Variants in RORB observed in about 807,000 individuals in gnomAD.
The protein encoded by RORB is RAR related orphan receptor B.
Under a neutral mutation model 59.1 loss-of-function variants are expected in RORB, and 6 were observed. The ratio of observed to expected loss-of-function variants is 0.10; its 90% CI spans 0.06 to 0.20. RORB has a LOEUF of 0.20. Ranked by LOEUF, RORB falls within the 10% of genes least tolerant of loss-of-function variation. RORB has a pLI of 1.00. For synonymous variants in RORB, 215 were observed against 204.5 expected (o/e 1.05, Z -0.44); for missense variants, 320 against 560.5 (o/e 0.57, Z 4.33).
intron 1 of RORB, among the ~76,000 whole-genome samples, chr9:74,550,326 CTTT>C (rs1368684375): frequency 1.3e-5 from 2 of 152,144 alleles, no homozygotes; most frequent in Non-Finnish European, 2.9e-5. Context: ...GAAAGACACA[CTTT>C]TTCAGCCCTA....
intron 1 of RORB, among the ~76,000 whole-genome samples, chr9:74,515,739 A>G (rs772744959): frequency 3.9e-4 from 60 of 152,098 alleles, no homozygotes; most frequent in Non-Finnish European, 6.9e-4. Context: ...AAGTAAGAGT[A>G]CAACACACTA....
chr9:74,615,786 TA>T (rs753520648), intron 1 of RORB: 1 of 289,560 alleles, frequency 3.5e-6, no homozygotes, highest in Non-Finnish European at 7.0e-6. Context: ...CAGGAATGTA[TA>T]TAATAAAACA....
At chr9:74,609,609 C>T (rs993955420) in intron 1 of RORB, among the ~76,000 whole-genome samples, 3 of 152,142 alleles carry the variant, frequency 2.0e-5, no homozygotes, top group Non-Finnish European at 2.9e-5. Flanking sequence ...TTTCAGACAC[C>T]GTCACCTGTG....
rs199713370 is a variant in RORB at position 74,642,584 on chromosome 9, G to A, written c.406G>A (p.Glu136Lys). ...CAACGGCCTGAGCAACCTGAACAAC[G>A]AGACCAGCGGCACTTATGCCAACGG... ...ISNGLSNLNN[E>K]TSGTYANGHV... Residue 136 changes from glutamate to lysine, a missense_variant, in exon 4 of 10, where the codon GAG (glutamate) becomes AAG (lysine). Physicochemically the swap from Glu to Lys is moderately conservative, Grantham distance 56. Coordinates refer to ENST00000376896, the MANE Select transcript of RORB (RefSeq NM_006914.4). 3.9e-5 allele frequency: 63 copies of A among 1,614,190 alleles called. No individual in the cohort carries two copies. Among genetic ancestry groups the A allele is most frequent in the Non-Finnish European group, 5.2e-5 (61 of 1,180,032 alleles).
At chr9:74,673,263 T>C (rs1286470529) in intron 9 of RORB, among the ~76,000 whole-genome samples, 1 of 152,174 alleles carries the variant, frequency 6.6e-6, no homozygotes, top group Non-Finnish European at 1.5e-5. Context: ...TATGCATAAA[T>C]ACATCTTGTT....
chr9:74,601,974 T>C (rs1280257723), intron 1 of RORB, among the ~76,000 whole-genome samples: 1 of 152,172 alleles, frequency 6.6e-6, no homozygotes, highest in African/African-American at 2.4e-5. Context: ...GAACTTAGCT[T>C]CTCACACGGT....
intron 5 of RORB, among the ~76,000 whole-genome samples, chr9:74,661,737 CAG>C (rs897746021): frequency 4.0e-5 from 6 of 150,076 alleles, no homozygotes; most frequent in African/African-American, 1.5e-4. Context: ...CTCCACCTCC[CAG>C]GTTCACGCCA....
rs552492663 is a variant in RORB at position 74,618,827 on chromosome 9, C to T, written c.8-11455C>T. Among the ~76,000 whole-genome samples the T allele has an allele frequency of 4.6e-5, 7 of 152,052 alleles. No homozygotes were observed. The South Asian group carries it at 1.5e-3, about 32-fold the overall frequency. On this transcript the variant is annotated intron_variant, in intron 1 of 9. Coordinates refer to ENST00000376896, the MANE Select transcript of RORB (RefSeq NM_006914.4). ...TCCCAACCTTTGATTTGTCTGACTCCAAGTAGATAATTTAATGGCTTTATA... is the reference window on the plus strand; with the variant it reads ...TCCCAACCTTTGATTTGTCTGACTCTAAGTAGATAATTTAATGGCTTTATA...
intron 9 of RORB, among the ~76,000 whole-genome samples, chr9:74,677,999 A>G (rs559756485): frequency 3.9e-5 from 6 of 152,336 alleles, no homozygotes; most frequent in South Asian, 4.1e-4. Context: ...ACTGACTACA[A>G]TGAAAAGAAA....
chr9:74,685,376 T>C, intron 9 of RORB, 87 bp from the exon 10 acceptor site: 1 of 1,103,822 alleles, frequency 9.1e-7, no homozygotes, highest in Non-Finnish European at 1.2e-6. Context: ...TTTACCTTCA[T>C]CTGGGGCCAG....
intron 1 of RORB, among the ~76,000 whole-genome samples, chr9:74,540,767 T>C (rs561582304): frequency 3.4e-4 from 51 of 152,160 alleles, no homozygotes; most frequent in Non-Finnish European, 6.2e-4. Flanking sequence ...CAATGCTTCA[T>C]TGGAAAACCA....
intron 1 of RORB, among the ~76,000 whole-genome samples, chr9:74,592,585 C>T (rs145812285): frequency 9.4e-4 from 143 of 152,200 alleles, no homozygotes; most frequent in African/African-American, 3.1e-3. Context: ...GAGCCAGACC[C>T]AAATGGCTAG....
chr9:74,663,780 C>CCT, intron 6 of RORB, among the ~76,000 whole-genome samples: 1 of 152,180 alleles, frequency 6.6e-6, no homozygotes, highest in South Asian at 2.1e-4. Flanking sequence ...GGCCTCAGTT[C>CCT]CTCTCCATGT....
intron 1 of RORB, among the ~76,000 whole-genome samples, chr9:74,594,109 G>A (rs1822939197): frequency 6.6e-6 from 1 of 152,174 alleles, no homozygotes. Flanking sequence ...ATAAAATTCT[G>A]GATGGCTGAG....
At chr9:74,633,418 C>A (rs1823651603) in intron 2 of RORB, among the ~76,000 whole-genome samples, 1 of 152,174 alleles carries the variant, frequency 6.6e-6, no homozygotes, top group South Asian at 2.1e-4. Flanking sequence ...CATTCCTGAA[C>A]TTTTCTAGAC....
At chr9:74,598,668 G>A (rs976625732) in intron 1 of RORB, among the ~76,000 whole-genome samples, 6 of 152,098 alleles carry the variant, frequency 3.9e-5, no homozygotes, top group Non-Finnish European at 5.9e-5. Flanking sequence ...TTTATTAACC[G>A]TATTCAGCAT....
intron 1 of RORB, among the ~76,000 whole-genome samples, chr9:74,627,077 G>A (rs1021019922): frequency 6.6e-6 from 1 of 151,478 alleles, no homozygotes; most frequent in Non-Finnish European, 1.5e-5. Context: ...TGGGAGAATC[G>A]CTTGAGCAGG....
intron 4 of RORB, among the ~76,000 whole-genome samples, chr9:74,658,168 A>G (rs983485918): frequency 2.6e-5 from 4 of 152,140 alleles, no homozygotes; most frequent in African/African-American, 9.7e-5. Flanking sequence ...TAAGGACCTC[A>G]TAATCTTAAA....
chr9:74,502,717 T>G (rs1442556606), intron 1 of RORB, among the ~76,000 whole-genome samples: 1 of 152,056 alleles, frequency 6.6e-6, no homozygotes, highest in Non-Finnish European at 1.5e-5. Context: ...AACAATAATA[T>G]CAGTGCCAGT....
Sources: gnomAD v4.1 joint callset for allele counts (sites outside exome capture counted in the v4.1 genomes callset) on GRCh38, gnomAD v4.1.1 for gene constraint, MANE v1.5 for transcripts, NCBI Gene and HGNC (gene_info 2026-07-23, HGNC 2026-07-21) for gene names.